Variants in CCDC73 observed in about 807,000 individuals in gnomAD.
The protein encoded by CCDC73 is coiled-coil domain containing 73, also known as coiled-coil domain-containing protein 73.
In CCDC73, 95 loss-of-function variants were observed where a neutral mutation model predicts 116.5. The ratio of observed to expected loss-of-function variants is 0.82; its 90% CI spans 0.69 to 0.97. CCDC73 has a LOEUF of 0.97. Ranked by LOEUF, CCDC73 falls within the 50% of genes least tolerant of loss-of-function variation. The probability of loss-of-function intolerance (pLI) is 0.00; values close to 1 mark genes in which losing one functional copy is unlikely to be tolerated. For synonymous variants in CCDC73, 398 were observed against 401.3 expected (o/e 0.99, Z 0.10); for missense variants, 1,066 against 1,206.8 (o/e 0.88, Z 1.73).
intron 2 of CCDC73, among the ~76,000 whole-genome samples, chr11:32,751,310 C>A (rs996814642): frequency 6.6e-6 from 1 of 152,150 alleles, no homozygotes; most frequent in Non-Finnish European, 1.5e-5. Flanking sequence ...CCCTTTGCCA[C>A]CCCGACTGGT....
At chr11:32,817,311 A>G in the CCDC73 span, among the ~76,000 whole-genome samples, 1 of 152,236 alleles carries the variant, frequency 6.6e-6, no homozygotes. Context: ...CTTCTGTGGC[A>G]TAAGTTGCTA....
intron 2 of CCDC73, among the ~76,000 whole-genome samples, chr11:32,730,600 G>A (rs2133344385): frequency 6.6e-6 from 1 of 152,176 alleles, no homozygotes; most frequent in East Asian, 1.9e-4. Context: ...TTAAGATTCT[G>A]TTTGGTTTTC....
intron 2 of CCDC73, among the ~76,000 whole-genome samples, chr11:32,755,761 C>A (rs1416632080): frequency 2.0e-5 from 2 of 97,624 alleles, no homozygotes; most frequent in African/African-American, 9.3e-5. Context: ...ATATATATAT[C>A]TCCATATATA....
At chr11:32,697,481 C>CTTTTTTTTTTT (rs771837421) in intron 6 of CCDC73, among the ~76,000 whole-genome samples, 24 of 108,790 alleles carry the variant, frequency 2.2e-4, no homozygotes, top group Non-Finnish European at 3.1e-4. Context: ...TCTCTTTATT[C>CTTTTTTTTTTT]TTTTTTTTTT....
At chr11:32,795,690 A>T (rs200561702), upstream of CCDC73, among the ~76,000 whole-genome samples, 10 of 142,396 alleles carry the variant, frequency 7.0e-5, no homozygotes, top group Admixed American at 1.4e-4. Context: ...CTGCCCTCAA[A>T]TTTTTTTTTT....
At chr11:32,674,359 G>T (rs984900694) in intron 9 of CCDC73, among the ~76,000 whole-genome samples, 2 of 152,110 alleles carry the variant, frequency 1.3e-5, no homozygotes, top group South Asian at 2.1e-4. Flanking sequence ...AAGGAAAACA[G>T]ATATCATTCT....
At chr11:32,825,565 G>A in the CCDC73 span, among the ~76,000 whole-genome samples, 689 of 152,248 alleles carry the variant, frequency 4.5e-3, 16 homozygotes, top group East Asian at 0.032. Flanking sequence ...GCCTCCCAAA[G>A]TGCTGGGATT....
intron 1 of CCDC73, among the ~76,000 whole-genome samples, chr11:32,774,092 G>A (rs182216425): frequency 1.6e-3 from 246 of 152,204 alleles, no homozygotes; most frequent in African/African-American, 5.6e-3. Context: ...AGCCCCATGC[G>A]TCATCCCTTT....
At chr11:32,773,629 CA>C (rs1365167908) in intron 1 of CCDC73, among the ~76,000 whole-genome samples, 2 of 151,864 alleles carry the variant, frequency 1.3e-5, no homozygotes, top group African/African-American at 4.8e-5. Flanking sequence ...AACACACACA[CA>C]CACACAAAGT....
rs183883299 is a variant in CCDC73, at chr11:32,710,888, A to G, written c.207+7188T>C. On this transcript the variant is annotated intron_variant, in intron 3 of 17. Coordinates refer to ENST00000335185, the MANE Select transcript of CCDC73 (RefSeq NM_001008391.4). ...GAATAGATGGGACTTAATTAAACTA[A>G]AAAGATTCTGCACAGCAAAAGAAAT... is the stretch of plus-strand genomic sequence containing the variant. Among the ~76,000 whole-genome samples the G allele has an allele frequency of 2.3e-3, 343 of 152,358 alleles. 1 individual carries two copies. Among genetic ancestry groups the G allele is most frequent in the African/African-American group, 8.1e-3 (335 of 41,578 alleles).
At chr11:32,695,626 G>A (rs945039602) in intron 6 of CCDC73, among the ~76,000 whole-genome samples, 1 of 152,128 alleles carries the variant, frequency 6.6e-6, no homozygotes, top group Non-Finnish European at 1.5e-5. Context: ...ACAGTAGGTA[G>A]AGTTTCTTTC....
intron 7 of CCDC73, chr11:32,682,869 C>A (rs1856160463): frequency 6.6e-6 from 1 of 152,228 alleles, no homozygotes; most frequent in Non-Finnish European, 1.5e-5. Context: ...AGGATCAGTA[C>A]CATATCCCAA....
chr11:32,820,567 A>G, the CCDC73 span, among the ~76,000 whole-genome samples: 1 of 152,354 alleles, frequency 6.6e-6, no homozygotes, highest in Non-Finnish European at 1.5e-5. Context: ...AATCAGCAAC[A>G]CAAAAGTGTA....
chr11:32,783,440 T>C (rs909799320), intron 1 of CCDC73, among the ~76,000 whole-genome samples: 4 of 152,292 alleles, frequency 2.6e-5, no homozygotes, highest in Middle Eastern at 3.4e-3. Context: ...ATCCTTGTCT[T>C]AATCTGTTCA....
intron 1 of CCDC73, among the ~76,000 whole-genome samples, chr11:32,776,036 T>G (rs770955894): frequency 6.6e-6 from 1 of 152,146 alleles, no homozygotes; most frequent in Non-Finnish European, 1.5e-5. Flanking sequence ...ATCTTTCTCT[T>G]TCTCTCTCTC....
intron 6 of CCDC73, among the ~76,000 whole-genome samples, chr11:32,687,350 C>A (rs181969248): frequency 1.3e-5 from 2 of 152,130 alleles, no homozygotes; most frequent in East Asian, 3.9e-4. Context: ...GGTGACCCTG[C>A]AAAAGGGCAA....
chr11:32,725,276 T>C (rs558831936), intron 2 of CCDC73, among the ~76,000 whole-genome samples: 4 of 152,298 alleles, frequency 2.6e-5, no homozygotes, highest in Admixed American at 6.5e-5. Context: ...ATTTTTATTA[T>C]AGTATATTGC....
intron 1 of CCDC73, among the ~76,000 whole-genome samples, chr11:32,768,969 C>T (rs1037527534): frequency 3.9e-5 from 6 of 152,168 alleles, no homozygotes; most frequent in Admixed American, 2.0e-4. Flanking sequence ...GGAAAAGGTA[C>T]TAGCTTCATT....
chr11:32,747,231 C>G (rs1850247639), intron 2 of CCDC73, among the ~76,000 whole-genome samples: 1 of 152,170 alleles, frequency 6.6e-6, no homozygotes, highest in South Asian at 2.1e-4. Context: ...ACTCCAGACC[C>G]TGTTTGCCTG....
Sources: gnomAD v4.1 joint callset for allele counts (sites outside exome capture counted in the v4.1 genomes callset) on GRCh38, gnomAD v4.1.1 for gene constraint, MANE v1.5 for transcripts, NCBI Gene and HGNC (gene_info 2026-07-23, HGNC 2026-07-21) for gene names.